Variants in NUP93 observed in about 807,000 individuals in gnomAD.
NUP93 encodes nuclear pore complex protein Nup93.
In NUP93, 55 loss-of-function variants were observed where a neutral mutation model predicts 107.8. The observed-to-expected ratio is 0.51, with a 90% CI of 0.41 to 0.64. The LOEUF is 0.64. Among genes scored for constraint, NUP93 ranks in the 30% least tolerant of loss-of-function variants. The probability of loss-of-function intolerance (pLI) is 0.00; values close to 1 mark genes in which losing one functional copy is unlikely to be tolerated. For synonymous variants in NUP93, 390 were observed against 397.5 expected, an observed-to-expected ratio of 0.98 and a Z score of 0.22; for missense variants, 937 against 1,044.7, an observed-to-expected ratio of 0.90 and a Z score of 1.42.
chr16:56,794,546 G>A (rs1020431162), intron 3 of NUP93, among the ~76,000 whole-genome samples: 2 of 151,654 alleles, frequency 1.3e-5, no homozygotes, highest in Non-Finnish European at 1.5e-5. Flanking sequence ...AACAAATGTG[G>A]TCATTGCTTT....
At chr16:56,828,741 G>A (rs1210224287) in intron 8 of NUP93, among the ~76,000 whole-genome samples, 1 of 152,208 alleles carries the variant, frequency 6.6e-6, no homozygotes, top group Non-Finnish European at 1.5e-5. Context: ...CCACAGTTGT[G>A]TTCCTCCAGG....
intron 12 of NUP93, 97 bp downstream of exon 12, chr16:56,832,485 G>T: frequency 3.3e-6 from 3 of 898,134 alleles, no homozygotes; most frequent in Non-Finnish European, 5.5e-6. Flanking sequence ...CTGAACTTTT[G>T]TCTTTCTTCC....
rs1420503318 is a variant in NUP93, at chr16:56,849,055, A to T, written c.*4446A>T. Reference sequence around the variant, plus strand: ...CAGTAGATTGCTCAGCAGATATTTGAATGAGCAGATGCTTTGCTTTGTCCT... The same window carrying T: ...CAGTAGATTGCTCAGCAGATATTTGTATGAGCAGATGCTTTGCTTTGTCCT... On this transcript the variant is annotated 3_prime_UTR_variant, in exon 22 of 22. Transcript: ENST00000308159. The T allele has an allele frequency of 2.0e-5, 3 of 152,216 alleles. No individual in the cohort carries two copies. The highest frequency in any genetic ancestry group is 7.2e-5 in the African/African-American group (3 of 41,436). The allele number at this position is 152,216 out of a possible 1,614,324, so 9.4% of individuals were successfully genotyped here.
At chr16:56,790,480 G>A (rs1314759306) in intron 3 of NUP93, among the ~76,000 whole-genome samples, 3 of 152,156 alleles carry the variant, frequency 2.0e-5, no homozygotes, top group East Asian at 3.9e-4. Flanking sequence ...AGTCCACACC[G>A]TCTGATAAGC....
At chr16:56,809,440 G>A (rs1335326707) in intron 5 of NUP93, among the ~76,000 whole-genome samples, 2 of 152,118 alleles carry the variant, frequency 1.3e-5, no homozygotes, top group Admixed American at 1.3e-4. Flanking sequence ...AAATTTAGAG[G>A]TGAAGATTTA....
chr16:56,839,921 T>C (rs1240195642), intron 20 of NUP93: 1 of 326,178 alleles, frequency 3.1e-6, no homozygotes, highest in African/African-American at 2.2e-5. Flanking sequence ...TGCTAGAGGG[T>C]ATTTTAGTGC....
intron 3 of NUP93, among the ~76,000 whole-genome samples, chr16:56,787,201 GAAGA>G (rs1962647089): frequency 6.6e-6 from 1 of 151,792 alleles, no homozygotes; most frequent in Non-Finnish European, 1.5e-5. Context: ...ATCCATTTTT[GAAGA>G]AAGAATGTTT....
At chr16:56,806,494 T>C (rs1456069958) in intron 5 of NUP93, among the ~76,000 whole-genome samples, 1 of 152,176 alleles carries the variant, frequency 6.6e-6, no homozygotes, top group Non-Finnish European at 1.5e-5. Context: ...TATTTCTGGC[T>C]CAGGGTCTCT....
intron 8 of NUP93, among the ~76,000 whole-genome samples, chr16:56,826,708 T>C (rs919715181): frequency 5.3e-5 from 8 of 152,090 alleles, no homozygotes; most frequent in Non-Finnish European, 1.0e-4. Flanking sequence ...GTATTTCTTT[T>C]TTCCCCCCGT....
chr16:56,742,844 C>T (rs531692943), intron 1 of NUP93, among the ~76,000 whole-genome samples: 104 of 152,282 alleles, frequency 6.8e-4, no homozygotes, highest in Non-Finnish European at 1.3e-3. Flanking sequence ...CTCAGTGATT[C>T]CCCAGCTTGA....
chr16:56,810,416 T>A lies in NUP93; in HGVS notation c.489+4784T>A, dbSNP rs554697941. On this transcript the variant is annotated intron_variant, in intron 5 of 21. Coordinates refer to ENST00000308159, the MANE Select transcript of NUP93 (RefSeq NM_014669.5). ...GGCTGAGGCAGGAGGATCACCTGAA[T>A]CCAGGAGTTTGAGACCAGCCTGGGC... Among the ~76,000 whole-genome samples, 5 of 152,234 alleles carry A rather than the reference T, an allele frequency of 3.3e-5. No individual in the cohort carries two copies. In the South Asian group the frequency reaches 1.0e-3, roughly 32 times the overall value.
chr16:56,825,270 G>A (rs1354145930), intron 8 of NUP93, among the ~76,000 whole-genome samples: 1 of 143,916 alleles, frequency 6.9e-6, no homozygotes, highest in African/African-American at 2.6e-5. Flanking sequence ...GTAATGTAAT[G>A]GTGTGATCTT....
rs145376499 is a variant in NUP93, at chr16:56,824,233, T to C, written c.794+387T>C. Among the ~76,000 whole-genome samples, 36 of 152,336 alleles carry C rather than the reference T, an allele frequency of 2.4e-4. No individual in the cohort carries two copies. The East Asian group carries it at 6.7e-3, about 29-fold the overall frequency. ...TTAATTTTACTCCCAGGCATGTTAC[T>C]ACCTTCAAACCCTAGGAAAACTCGT... is the stretch of plus-strand genomic sequence containing the variant. On this transcript the variant is annotated intron_variant, in intron 8 of 21. Coordinates refer to ENST00000308159, the MANE Select transcript of NUP93 (RefSeq NM_014669.5).
intron 3 of NUP93, among the ~76,000 whole-genome samples, chr16:56,763,087 A>G (rs182216450): frequency 3.9e-5 from 6 of 152,296 alleles, no homozygotes; most frequent in Admixed American, 3.9e-4. Context: ...ACTTCAACCC[A>G]CTGTACTTAT....
At chr16:56,774,928 C>G (rs1192554525) in intron 3 of NUP93, among the ~76,000 whole-genome samples, 1 of 148,034 alleles carries the variant, frequency 6.8e-6, no homozygotes, top group Admixed American at 6.8e-5. Flanking sequence ...GAGACAGAGT[C>G]TCGCTCTGTT....
At chr16:56,793,322 A>G (rs953881904) in intron 3 of NUP93, among the ~76,000 whole-genome samples, 4 of 152,082 alleles carry the variant, frequency 2.6e-5, no homozygotes, top group Admixed American at 6.5e-5. Context: ...AGAAGGATCA[A>G]ATGGGGGACT....
Position 56,848,357 on chromosome 16 carries a change from C to T in NUP93, c.*3748C>T, listed in dbSNP as rs1232387204. 6.6e-6 allele frequency: 1 copy of T among 152,200 alleles called. No homozygotes were observed. Among genetic ancestry groups the T allele is most frequent in the African/African-American group, 2.4e-5 (1 of 41,442 alleles). The allele number at this position is 152,200 out of a possible 1,614,324, so 9.4% of individuals were successfully genotyped here. ...GTCAGCAAATTGGGAGAAAGTGTTA[C>T]ATATAAAATTCTTGATGGAAATGTG... On this transcript the variant is annotated 3_prime_UTR_variant, in exon 22 of 22. Transcript: ENST00000308159.
chr16:56,781,385 C>G (rs985736742), intron 3 of NUP93, among the ~76,000 whole-genome samples: 1 of 152,164 alleles, frequency 6.6e-6, no homozygotes. Flanking sequence ...GCTTGAAGGA[C>G]AGTACAATTG....
chr16:56,792,464 T>G (rs1962789056), intron 3 of NUP93, among the ~76,000 whole-genome samples: 1 of 152,262 alleles, frequency 6.6e-6, no homozygotes. Flanking sequence ...TGAACTTTGC[T>G]ACGTATGAAC....
Sources: gnomAD v4.1 joint callset for allele counts (sites outside exome capture counted in the v4.1 genomes callset) on GRCh38, gnomAD v4.1.1 for gene constraint, MANE v1.5 for transcripts, NCBI Gene and HGNC (gene_info 2026-07-23, HGNC 2026-07-21) for gene names.